The following ZNF423 variants were observed in gnomAD, a reference collection of about 807,000 sequenced individuals.
The protein encoded by ZNF423 is zinc finger protein 423, also known as Ebf-associated zinc finger protein.
Under a neutral mutation model 95.8 loss-of-function variants are expected in ZNF423, and 12 were observed. The observed-to-expected ratio is 0.13, with a 90% CI of 0.08 to 0.20. The LOEUF is 0.20. ZNF423 is among the 10% of genes least tolerant of loss of function. The pLI is 1.00. For missense variants in ZNF423, 1,316 were observed against 1,737.1 expected (o/e 0.76, Z 4.31); for synonymous variants, 749 against 711.9 (o/e 1.05, Z -0.83).
intron 3 of ZNF423, chr16:49,711,491 T>G (rs1424680516): frequency 1.3e-5 from 2 of 152,214 alleles, no homozygotes; most frequent in Non-Finnish European, 2.9e-5. Context: ...TAATCAAAAA[T>G]CAATATAACA....
rs987926699 is a variant in ZNF423 at position 49,855,584 on chromosome 16, C to T, written c.40+151G>A. 7.3e-5 allele frequency among the ~76,000 whole-genome samples: 11 copies of T among 151,316 alleles called. No individual in the cohort carries two copies. Among genetic ancestry groups the T allele is most frequent in the Non-Finnish European group, 1.6e-4 (11 of 67,820 alleles). ...CCTCCTCCCCCTCCTCCGCCTCCGCCTCCGCCTCCGCCTCCTCTGCCGCCT... is the reference window on the plus strand; with the variant it reads ...CCTCCTCCCCCTCCTCCGCCTCCGCTTCCGCCTCCGCCTCCTCTGCCGCCT... On this transcript the variant is annotated intron_variant, in intron 1 of 7. Transcript: ENST00000563137. The surrounding 1 kb of genome is among the most constrained non-coding windows in gnomAD (Gnocchi z 4.7).
intron 5 of ZNF423, among the ~76,000 whole-genome samples, chr16:49,548,668 G>A (rs1472777449): frequency 1.3e-5 from 2 of 152,204 alleles, no homozygotes; most frequent in Non-Finnish European, 2.9e-5. Flanking sequence ...AGGGAGAGAA[G>A]GAGACAGCCG....
chr16:49,689,557 CAGG>C (rs2031700542), intron 3 of ZNF423, among the ~76,000 whole-genome samples: 1 of 152,178 alleles, frequency 6.6e-6, no homozygotes, highest in Non-Finnish European at 1.5e-5. Flanking sequence ...CCGTGACCTC[CAGG>C]AGGTCGAGGG....
chr16:49,598,639 G>T (rs975981908), intron 5 of ZNF423, among the ~76,000 whole-genome samples: 13 of 152,370 alleles, frequency 8.5e-5, no homozygotes, highest in African/African-American at 2.9e-4. Context: ...ACTGAGCAAG[G>T]GAGGCCATCA....
At chr16:49,522,251 C>T (rs1968431097) in intron 7 of ZNF423, among the ~76,000 whole-genome samples, 1 of 152,168 alleles carries the variant, frequency 6.6e-6, no homozygotes, top group South Asian at 2.1e-4. Context: ...CCCTGCCTCA[C>T]CCGCTTTGAG....
chr16:49,751,360 C>G (rs1455989365), intron 2 of ZNF423, among the ~76,000 whole-genome samples: 1 of 152,054 alleles, frequency 6.6e-6, no homozygotes, highest in Non-Finnish European at 1.5e-5. Flanking sequence ...CACCACCACA[C>G]CTGGCTAGTT....
At chr16:49,764,142 G>A (rs952777191) in intron 2 of ZNF423, among the ~76,000 whole-genome samples, 1 of 152,168 alleles carries the variant, frequency 6.6e-6, no homozygotes, top group African/African-American at 2.4e-5. Context: ...GATGGATGTT[G>A]GCAAGAGCCC....
chr16:49,515,584 C>T lies in ZNF423; in HGVS notation c.3849+8040G>A, dbSNP rs187274064. On this transcript the variant is annotated intron_variant, in intron 7 of 7. Coordinates refer to ENST00000563137, the MANE Select transcript of ZNF423 (RefSeq NM_001379286.1). ...GGATGAGAGTACCTTGTTCATAGGGCTGTACACAATCCATGCAAAGTGCTC... is the reference window on the plus strand; with the variant it reads ...GGATGAGAGTACCTTGTTCATAGGGTTGTACACAATCCATGCAAAGTGCTC... 1.8e-4 allele frequency among the ~76,000 whole-genome samples: 27 copies of T among 152,330 alleles called. 1 individual carries two copies. Among genetic ancestry groups the T allele is most frequent in the Admixed American group, 4.6e-4 (7 of 15,310 alleles).
chr16:49,840,107 T>C (rs1007771112), intron 1 of ZNF423, among the ~76,000 whole-genome samples: 1 of 152,182 alleles, frequency 6.6e-6, no homozygotes, highest in South Asian at 2.1e-4. Flanking sequence ...CAGCTAATGA[T>C]AGCAGCTCCT....
intron 4 of ZNF423, among the ~76,000 whole-genome samples, 167 bp from the exon 5 acceptor site, chr16:49,626,421 C>T (rs1972273105): frequency 6.6e-6 from 1 of 152,070 alleles, no homozygotes; most frequent in African/African-American, 2.4e-5. Flanking sequence ...CCAGCTCTAC[C>T]AGACTGAGGA....
chr16:49,555,551 A>T (rs1457934027), intron 5 of ZNF423, among the ~76,000 whole-genome samples: 11 of 152,230 alleles, frequency 7.2e-5, no homozygotes, highest in Non-Finnish European at 1.6e-4. Context: ...TGAAGGTAGG[A>T]CATTAATTCA....
chr16:49,616,685 T>C (rs1567505687), intron 5 of ZNF423, among the ~76,000 whole-genome samples: 1 of 151,942 alleles, frequency 6.6e-6, no homozygotes, highest in Non-Finnish European at 1.5e-5. Context: ...ATCGGCTTGA[T>C]TGGAGCTACT....
At chr16:49,521,594 C>T (rs1968398141) in intron 7 of ZNF423, among the ~76,000 whole-genome samples, 2 of 152,178 alleles carry the variant, frequency 1.3e-5, no homozygotes, top group Admixed American at 6.5e-5. Flanking sequence ...GGGTCACTAG[C>T]TCAGTGGTGG....
chr16:49,715,553 T>A (rs1371073752), intron 3 of ZNF423, among the ~76,000 whole-genome samples: 1 of 150,998 alleles, frequency 6.6e-6, no homozygotes, highest in Non-Finnish European at 1.5e-5. Flanking sequence ...CTAGCCTGGG[T>A]AACTTACCAA....
At chr16:49,647,913 T>C (rs1436047617) in intron 3 of ZNF423, among the ~76,000 whole-genome samples, 2 of 152,196 alleles carry the variant, frequency 1.3e-5, no homozygotes, top group Admixed American at 6.5e-5. Context: ...CCTAAAATCA[T>C]GGAAGTGGCT....
rs530449799 is a variant in ZNF423, at chr16:49,539,912, C to T, written c.3602-14418G>A. Reference sequence around the variant, plus strand: ...AGTTGGAGGCCCAGCAGCTCAGCCCCGCCTGTGCCAGAGCTGTCTGTCCTG... The same window carrying T: ...AGTTGGAGGCCCAGCAGCTCAGCCCTGCCTGTGCCAGAGCTGTCTGTCCTG... On this transcript the variant is annotated intron_variant, in intron 5 of 7. Transcript: ENST00000563137. Among the ~76,000 whole-genome samples the T allele has an allele frequency of 2.5e-4, 38 of 152,292 alleles. No individual in the cohort carries two copies. In the South Asian group the frequency reaches 5.2e-3, roughly 21 times the overall value.
intron 5 of ZNF423, among the ~76,000 whole-genome samples, chr16:49,531,429 T>A (rs555740691): frequency 1.3e-5 from 2 of 151,366 alleles, no homozygotes; most frequent in East Asian, 3.9e-4. Flanking sequence ...GGCAAGAGGG[T>A]GAGGTGAGGG....
intron 3 of ZNF423, among the ~76,000 whole-genome samples, chr16:49,719,082 C>G (rs2032791498): frequency 6.6e-6 from 1 of 152,206 alleles, no homozygotes; most frequent in South Asian, 2.1e-4. Flanking sequence ...ATTGATTACT[C>G]AGGGAACACA....
intron 1 of ZNF423, among the ~76,000 whole-genome samples, chr16:49,812,256 C>T (rs1032681837): frequency 6.6e-6 from 1 of 152,258 alleles, no homozygotes; most frequent in African/African-American, 2.4e-5. Context: ...TAAAATCCCA[C>T]ACCAAGCCAC....
Sources: allele counts gnomAD v4.1 joint callset (sites outside exome capture counted in the v4.1 genomes callset), GRCh38; gene constraint gnomAD v4.1.1; non-coding constraint Gnocchi (gnomAD v3.1); transcripts MANE v1.5; gene names NCBI Gene and HGNC (gene_info 2026-07-23, HGNC 2026-07-21).